Variants in MTUS1 observed in about 807,000 individuals in gnomAD.
MTUS1 encodes the protein microtubule-associated tumor suppressor 1.
Under a neutral mutation model 120.8 loss-of-function variants are expected in MTUS1, and 109 were observed. That is an observed-to-expected ratio of 0.90 (90% CI 0.77 to 1.06). The LOEUF (loss-of-function observed/expected upper bound fraction) is 1.06. MTUS1 is among the 50% of genes least tolerant of loss of function. The pLI is 0.00. For synonymous variants in MTUS1, 737 were observed against 550.5 expected, an observed-to-expected ratio of 1.34 and a Z score of -4.74; for missense variants, 2,210 against 1,486.3, an observed-to-expected ratio of 1.49 and a Z score of -8.01.
At chr8:17,744,689 C>CTTTTTTTTTTTT (rs58283163) in intron 2 of MTUS1, among the ~76,000 whole-genome samples, 11 of 99,024 alleles carry the variant, frequency 1.1e-4, no homozygotes, top group Non-Finnish European at 1.8e-4. Context: ...ACCATGTTTT[C>CTTTTTTTTTTTT]TTTTTTTTTT....
rs894952518 is a variant in MTUS1, at chr8:17,653,488, T to A, written c.3225A>T (p.Lys1075Asn). Reference protein sequence around the residue: ...AYEASLSEIKKGHEIEKKSLE... With the variant: ...AYEASLSEIKNGHEIEKKSLE... ...GCGATTTCTTTTCTATTTCATGGCC[T>A]TTCTTAATTTCTGGGAAAATAAACG... Residue 1075 changes from lysine (K) to asparagine (N), a missense_variant, in exon 11 of 15, where the codon AAA becomes AAT. By Grantham distance (94) the Lys-to-Asn change is moderately conservative (BLOSUM62 0). Coordinates refer to ENST00000693296, the MANE Select transcript of MTUS1 (RefSeq NM_001363059.2). The A allele has an allele frequency of 1.6e-5, 25 of 1,607,558 alleles. No homozygotes were observed. The highest frequency in any genetic ancestry group is 2.0e-5 in the Non-Finnish European group (23 of 1,176,464).
intron 1 of MTUS1, among the ~76,000 whole-genome samples, chr8:17,765,151 G>C (rs751841460): frequency 6.6e-6 from 1 of 152,158 alleles, no homozygotes; most frequent in Non-Finnish European, 1.5e-5. Flanking sequence ...ACTCCCAGGA[G>C]AATCTGATGC....
At chr8:17,654,738 A>C in intron 9 of MTUS1, 72 bp from the exon 10 acceptor site, 1 of 1,012,000 alleles carries the variant, frequency 9.9e-7, no homozygotes, top group Non-Finnish European at 1.6e-6. Context: ...CAAAGCAACC[A>C]CATTAGGAGA....
chr8:17,786,737 A>G (rs973894888), intron 1 of MTUS1, among the ~76,000 whole-genome samples: 1 of 152,112 alleles, frequency 6.6e-6, no homozygotes, highest in African/African-American at 2.4e-5. Flanking sequence ...GAAGAAATGG[A>G]TCCACCCGAG....
At chr8:17,653,618 T>A in intron 10 of MTUS1, 120 bp from the exon 11 acceptor site, 1 of 705,182 alleles carries the variant, frequency 1.4e-6, no homozygotes, top group East Asian at 2.8e-5. Flanking sequence ...TTACTTTACA[T>A]CTATAGTATG....
At chr8:17,696,085 C>T (rs1817883118) in intron 6 of MTUS1, among the ~76,000 whole-genome samples, 1 of 152,108 alleles carries the variant, frequency 6.6e-6, no homozygotes, top group Non-Finnish European at 1.5e-5. Flanking sequence ...TTATTTTTCC[C>T]CCCTATTAAT....
At chr8:17,679,665 C>A (rs1173918503) in intron 7 of MTUS1, among the ~76,000 whole-genome samples, 1 of 151,960 alleles carries the variant, frequency 6.6e-6, no homozygotes, top group African/African-American at 2.4e-5. Flanking sequence ...CCATGCCTGG[C>A]TAATTTTTGT....
intron 6 of MTUS1, among the ~76,000 whole-genome samples, 188 bp downstream of exon 6, chr8:17,713,026 T>C (rs1407035911): frequency 6.6e-6 from 1 of 152,220 alleles, no homozygotes; most frequent in African/African-American, 2.4e-5. Context: ...TGTCCTTTCA[T>C]GCATTAGATG....
chr8:17,793,758 C>A (rs916509073), intron 1 of MTUS1, among the ~76,000 whole-genome samples: 2 of 152,126 alleles, frequency 1.3e-5, no homozygotes, highest in African/African-American at 4.8e-5. Context: ...TGATTAATGA[C>A]AAGGATGCTT....
intron 1 of MTUS1, among the ~76,000 whole-genome samples, chr8:17,794,340 T>C (rs1563405810): frequency 6.6e-6 from 1 of 151,538 alleles, no homozygotes; most frequent in Non-Finnish European, 1.5e-5. Flanking sequence ...AAAAAAAAGA[T>C]AAAAGAAAAA....
At chr8:17,675,456 G>T (rs564841151) in intron 7 of MTUS1, among the ~76,000 whole-genome samples, 1 of 152,256 alleles carries the variant, frequency 6.6e-6, no homozygotes, top group African/African-American at 2.4e-5. Flanking sequence ...CTGTATTTTT[G>T]CAGGTCCCAG....
At chr8:17,739,354 G>T (rs536920173) in intron 3 of MTUS1, among the ~76,000 whole-genome samples, 1 of 152,090 alleles carries the variant, frequency 6.6e-6, no homozygotes, top group African/African-American at 2.4e-5. Flanking sequence ...TTAGCCAGGT[G>T]TGGTGGTTCA....
At chr8:17,787,880 G>A (rs866458384) in intron 1 of MTUS1, among the ~76,000 whole-genome samples, 3 of 152,230 alleles carry the variant, frequency 2.0e-5, no homozygotes, top group East Asian at 3.8e-4. Context: ...CAGCACTTCG[G>A]GAGGCCGAGG....
intron 1 of MTUS1, among the ~76,000 whole-genome samples, chr8:17,792,429 TA>T (rs1370348666): frequency 1.3e-5 from 2 of 152,236 alleles, no homozygotes; most frequent in Non-Finnish European, 2.9e-5. Context: ...ATCTGCAATA[TA>T]AAATGGTTTA....
chr8:17,690,995 CATTACATTA>C (rs72495294), intron 6 of MTUS1, among the ~76,000 whole-genome samples: 79,180 of 151,410 alleles, frequency 0.52, 20,823 homozygotes, highest in East Asian at 0.7. Context: ...TAAAAAGCAT[CATTACATTA>C]ATTTATAGGG....
chr8:17,683,819 GGCAAATCTGCTTTGCTTTTGTT>G lies in MTUS1; in HGVS notation c.2838+487_2838+508del, dbSNP rs751195766. Among the ~76,000 whole-genome samples the G allele has an allele frequency of 1.4e-3, 217 of 152,222 alleles. 1 individual carries two copies. The highest frequency in any genetic ancestry group is 1.6e-3 in the Non-Finnish European group (109 of 68,024). ...GAATATTAGGGAAAAGTAACAACAC[GGCAAATCTGCTTTGCTTTTGTT>G]GCACCACAGAGATTGTTTTAGGAAT... On this transcript the variant is annotated intron_variant, in intron 7 of 14. Transcript: ENST00000693296.
At chr8:17,768,531 G>C (rs1193254797) in intron 1 of MTUS1, among the ~76,000 whole-genome samples, 1 of 7,906 alleles carries the variant, frequency 1.3e-4, no homozygotes, top group Non-Finnish European at 1.9e-3. Flanking sequence ...TTATGCCATG[G>C]TAAAAAAAAA....
At chr8:17,646,244 G>A in intron 14 of MTUS1, 105 bp from the exon 15 acceptor site, 1 of 1,222,872 alleles carries the variant, frequency 8.2e-7, no homozygotes, top group South Asian at 1.6e-5. Flanking sequence ...TATTCCTTTG[G>A]GATAAAACAG....
At chr8:17,674,041 G>C (rs942035208) in intron 8 of MTUS1, among the ~76,000 whole-genome samples, 23 of 152,164 alleles carry the variant, frequency 1.5e-4, no homozygotes, top group African/African-American at 5.3e-4. Flanking sequence ...TCCAGATCTG[G>C]CTGAAGCTGA....
Sources: gnomAD v4.1 joint callset for allele counts (sites outside exome capture counted in the v4.1 genomes callset) on GRCh38, gnomAD v4.1.1 for gene constraint, MANE v1.5 for transcripts, NCBI Gene and HGNC (gene_info 2026-07-23, HGNC 2026-07-21) for gene names.